OTULIN: variants seen among roughly 807,000 people sequenced by gnomAD.
The protein encoded by OTULIN is OTU deubiquitinase with linear linkage specificity, also known as ubiquitin thioesterase otulin.
Under a neutral mutation model 39.6 loss-of-function variants are expected in OTULIN, and 15 were observed. The ratio of observed to expected loss-of-function variants is 0.38; its 90% CI spans 0.25 to 0.58. The LOEUF (loss-of-function observed/expected upper bound fraction) is 0.58. Among genes scored for constraint, OTULIN ranks in the 20% least tolerant of loss-of-function variants. The pLI, the probability that OTULIN is intolerant of heterozygous loss-of-function variation, is 0.66. For synonymous variants in OTULIN, 156 were observed against 170.3 expected (o/e 0.92, Z 0.65); for missense variants, 319 against 445.9 (o/e 0.72, Z 2.56).
In OTULIN at chr5:14,695,467, A is replaced by C. The variant is rs927806058; in HGVS notation, c.*2419A>C. 6.6e-6 allele frequency: 1 copy of C among 152,222 alleles called. No homozygotes were observed. The highest frequency in any genetic ancestry group is 2.4e-5 in the African/African-American group (1 of 41,450). 9.4% of individuals were successfully genotyped at this position (152,222 alleles called of 1,614,324 possible). On this transcript the variant is annotated 3_prime_UTR_variant, in exon 7 of 7. Coordinates refer to ENST00000284274, the MANE Select transcript of OTULIN (RefSeq NM_138348.6). ...AAGAAAGGAATGTAGTAGGAACTAT[A>C]CTATGCCTAACTTTCTATCCCAGAG...
chr5:14,671,699 C>G (rs914258474), intron 1 of OTULIN, among the ~76,000 whole-genome samples: 1 of 152,112 alleles, frequency 6.6e-6, no homozygotes, highest in African/African-American at 2.4e-5. Context: ...TGGAAAGTAC[C>G]TTTTTCTGAT....
intron 4 of OTULIN, among the ~76,000 whole-genome samples, chr5:14,684,808 C>A (rs545289049): frequency 6.6e-6 from 1 of 152,310 alleles, no homozygotes; most frequent in South Asian, 2.1e-4. Flanking sequence ...AATCTATGCT[C>A]GGTGAAGAAG....
Position 14,673,650 on chromosome 5 carries a change from A to G in OTULIN, c.161A>G (p.Asp54Gly). Residue 54 changes from aspartate (D) to glycine (G), a missense_variant, in exon 2 of 7, where the codon GAC becomes GGC. Asp to Gly is a moderately conservative substitution (Grantham distance 94). This residue lies in a region of OTULIN where 132 missense variants were observed against 143.7 expected (regional missense o/e 0.92). Transcript: ENST00000284274. ...CTTTGGTGTAATTTCAGTGAGGAGG[A>G]CATGTACCGTGCTGCAGATGAAATA... Reference protein sequence around the residue: ...EMQCPAEHEEDMYRAADEIEK... With the variant: ...EMQCPAEHEEGMYRAADEIEK... 2.5e-6 allele frequency: 4 copies of G among 1,613,626 alleles called. No individual in the cohort carries two copies. Among genetic ancestry groups the G allele is most frequent in the Non-Finnish European group, 3.4e-6 (4 of 1,179,782 alleles).
intron 4 of OTULIN, among the ~76,000 whole-genome samples, chr5:14,683,379 G>T (rs986150855): frequency 6.6e-6 from 1 of 152,328 alleles, no homozygotes; most frequent in Middle Eastern, 3.4e-3. Flanking sequence ...AAGAGAAATG[G>T]ATATACTAAG....
intron 2 of OTULIN, among the ~76,000 whole-genome samples, chr5:14,675,754 T>C (rs893060719): frequency 2.0e-5 from 3 of 152,228 alleles, no homozygotes; most frequent in African/African-American, 7.2e-5. Flanking sequence ...TCAGACCTTC[T>C]GGGTTCATTG....
the OTULIN span, among the ~76,000 whole-genome samples, chr5:14,714,747 T>C: frequency 6.6e-6 from 1 of 152,086 alleles, no homozygotes; most frequent in East Asian, 1.9e-4. Context: ...ATCCAACAGA[T>C]TGCAAAGAGT....
Position 14,697,918 on chromosome 5 carries a change from A to T in OTULIN, c.*4870A>T, listed in dbSNP as rs987011331. On this transcript the variant is annotated 3_prime_UTR_variant, in exon 7 of 7. Transcript: ENST00000284274. Reference sequence around the variant, plus strand: ...TCTGAACTTCAAAGTAATATTTTATACTTAATTTTAGGAGTTTTCATTTAC... The same window carrying T: ...TCTGAACTTCAAAGTAATATTTTATTCTTAATTTTAGGAGTTTTCATTTAC... 2 of 152,196 alleles carry T rather than the reference A, an allele frequency of 1.3e-5. No individual in the cohort carries two copies. Among genetic ancestry groups the T allele is most frequent in the African/African-American group, 4.8e-5 (2 of 41,460 alleles). 9.4% of individuals were successfully genotyped at this position (152,196 alleles called of 1,614,324 possible).
At chr5:14,713,779 C>T in the OTULIN span, 9 of 1,513,876 alleles carry the variant, frequency 5.9e-6, no homozygotes, top group Admixed American at 1.3e-4. The surrounding 1 kb of genome is among the most constrained non-coding windows in gnomAD (Gnocchi z 4.4). Flanking sequence ...AGGACCCTGG[C>T]CTTGCTGTTG....
At chr5:14,709,232 A>C in the OTULIN span, 1 of 152,224 alleles carries the variant, frequency 6.6e-6, no homozygotes, top group Admixed American at 6.5e-5. Context: ...CAACCCCAGA[A>C]GCATGAAAGT....
In OTULIN at chr5:14,685,319, ACAC is replaced by A. The variant is rs574818786; in HGVS notation, c.469-2200_469-2198del. On this transcript the variant is annotated intron_variant, in intron 4 of 6. Coordinates refer to ENST00000284274, the MANE Select transcript of OTULIN (RefSeq NM_138348.6). ...TTATAGTTTAGTCACAAACAAAATG[ACAC>A]CTAAGCTAATTACCTACTTTATTCT... Among the ~76,000 whole-genome samples, 4 of 152,344 alleles carry A rather than the reference ACAC, an allele frequency of 2.6e-5. No individual in the cohort carries two copies. In the South Asian group the frequency reaches 8.3e-4, roughly 32 times the overall value.
intron 1 of OTULIN, among the ~76,000 whole-genome samples, chr5:14,666,408 TA>T (rs984282354): frequency 2.0e-5 from 3 of 148,992 alleles, no homozygotes; most frequent in Middle Eastern, 3.5e-3. Flanking sequence ...GAAAGGAATG[TA>T]AAAAAAAAAC....
intron 1 of OTULIN, among the ~76,000 whole-genome samples, chr5:14,670,086 G>A (rs1022995098): frequency 6.6e-6 from 1 of 152,164 alleles, no homozygotes; most frequent in Admixed American, 6.5e-5. Context: ...AATTGAGGTT[G>A]ACTGCCAGAA....
intron 3 of OTULIN, among the ~76,000 whole-genome samples, chr5:14,679,583 A>G (rs575271951): frequency 2.0e-5 from 3 of 152,322 alleles, no homozygotes; most frequent in African/African-American, 7.2e-5. Flanking sequence ...AGAGATACTG[A>G]CTGTCATATT....
At chr5:14,674,768 A>C (rs1388276898) in intron 2 of OTULIN, among the ~76,000 whole-genome samples, 1 of 152,092 alleles carries the variant, frequency 6.6e-6, no homozygotes, top group East Asian at 1.9e-4. Flanking sequence ...AAAAATAAAA[A>C]ATAAAAATAT....
intron 2 of OTULIN, among the ~76,000 whole-genome samples, chr5:14,676,384 G>C (rs1736104852): frequency 6.6e-6 from 1 of 152,192 alleles, no homozygotes; most frequent in African/African-American, 2.4e-5. Flanking sequence ...TGCATCTCCA[G>C]CTCCTAGCCT....
At chr5:14,713,118 A>G in the OTULIN span, 1 of 810,950 alleles carries the variant, frequency 1.2e-6, no homozygotes, top group East Asian at 2.7e-5. The surrounding 1 kb of genome is among the most constrained non-coding windows in gnomAD (Gnocchi z 4.4). Flanking sequence ...TAAGGGCCGC[A>G]GCTAATAACC....
At chr5:14,706,484 T>C in the OTULIN span, 1 of 152,234 alleles carries the variant, frequency 6.6e-6, no homozygotes, top group African/African-American at 2.4e-5. Flanking sequence ...ATGTCCACTC[T>C]TGAGAAGAAA....
In OTULIN at chr5:14,664,846, C is replaced by A. The variant is rs771996176; in HGVS notation, c.21C>A (p.Pro7=). 43 of 1,215,452 alleles carry A rather than the reference C, an allele frequency of 3.5e-5. No individual in the cohort carries two copies. Among genetic ancestry groups the A allele is most frequent in the Non-Finnish European group, 4.1e-5 (40 of 976,402 alleles). 75.3% of individuals were successfully genotyped at this position (1,215,452 alleles called of 1,614,324 possible). A position where few individuals can be genotyped will look rare whatever the true frequency, so the allele number is the denominator to read the frequency against. Residue 7 remains proline, a synonymous_variant, in exon 1 of 7, where the codon CCC becomes CCA. Coordinates refer to ENST00000284274, the MANE Select transcript of OTULIN (RefSeq NM_138348.6). MSRGTM[P]QPEAWPGASC... ...ACCGCATGAGTCGGGGGACTATGCC[C>A]CAGCCCGAAGCGTGGCCAGGCGCGA... is the stretch of plus-strand genomic sequence containing the variant.
In OTULIN at chr5:14,695,161, C is replaced by T. The variant is rs1487364590; in HGVS notation, c.*2113C>T. On this transcript the variant is annotated 3_prime_UTR_variant, in exon 7 of 7. Coordinates refer to ENST00000284274, the MANE Select transcript of OTULIN (RefSeq NM_138348.6). ...TTATGTCCGAAGGCCTTGTCAGAAT[C>T]TGTCAGACTCTTGTTTAGGTTTAGT... 1 of 152,220 alleles carries T rather than the reference C, an allele frequency of 6.6e-6. No individual in the cohort carries two copies. Among genetic ancestry groups the T allele is most frequent in the Non-Finnish European group, 1.5e-5 (1 of 68,046 alleles). 9.4% of individuals were successfully genotyped at this position (152,220 alleles called of 1,614,324 possible). A position where few individuals can be genotyped will look rare whatever the true frequency, so the allele number is the denominator to read the frequency against.
Sources: allele counts gnomAD v4.1 joint callset (sites outside exome capture counted in the v4.1 genomes callset), GRCh38; gene constraint gnomAD v4.1.1; regional missense constraint gnomAD v4.1.1; non-coding constraint Gnocchi (gnomAD v3.1); transcripts MANE v1.5; gene names NCBI Gene and HGNC (gene_info 2026-07-23, HGNC 2026-07-21).